SUGCT: variants seen among roughly 807,000 people sequenced by gnomAD.
SUGCT encodes succinyl-CoA:glutarate CoA-transferase.
Under a neutral mutation model 55.0 loss-of-function variants are expected in SUGCT, and 41 were observed. That is an observed-to-expected ratio of 0.74 (90% CI 0.58 to 0.97). SUGCT has a LOEUF of 0.97. Ranked by LOEUF, SUGCT falls within the 50% of genes least tolerant of loss-of-function variation. SUGCT has a pLI of 0.00. For synonymous variants in SUGCT, 187 were observed against 200.4 expected (o/e 0.93, Z 0.56); for missense variants, 568 against 547.8 (o/e 1.04, Z -0.37).
At position 40,854,419 on chromosome 7, in the gene SUGCT, C is replaced by CT. The variant is rs200586474; in HGVS notation, c.1154-5897_1154-5896insT. Among the ~76,000 whole-genome samples, 153 of 88,818 alleles carry CT rather than the reference C, an allele frequency of 1.7e-3. 1 individual carries two copies. Among genetic ancestry groups the CT allele is most frequent in the African/African-American group, 7.0e-3 (150 of 21,396 alleles). The allele number at this position is 88,818 out of a possible 152,430, so 58.3% of individuals were successfully genotyped here. On this transcript the variant is annotated intron_variant, in intron 13 of 13. Transcript: ENST00000335693. ...TTTTTCTTTCTTTCTTTCTTTCTTT[C>CT]CTTTCTTTCTTTCTTTCTTTCTTTC...
At chr7:40,556,527 G>A (rs747394611) in intron 12 of SUGCT, among the ~76,000 whole-genome samples, 97 of 152,302 alleles carry the variant, frequency 6.4e-4, no homozygotes, top group African/African-American at 1.5e-3. Flanking sequence ...TGCTTCAGGA[G>A]AACTAGCAGG....
At chr7:40,188,288 G>T (rs1489969503) in intron 3 of SUGCT, among the ~76,000 whole-genome samples, 3 of 151,924 alleles carry the variant, frequency 2.0e-5, no homozygotes, top group African/African-American at 4.8e-5. Flanking sequence ...ACAAAAATTA[G>T]CCAGGTATGG....
chr7:40,337,703 A>G (rs532647851), intron 9 of SUGCT, among the ~76,000 whole-genome samples: 10 of 152,174 alleles, frequency 6.6e-5, no homozygotes, highest in South Asian at 2.1e-4. Flanking sequence ...TCTTTATCCA[A>G]TTTGCCAGTC....
chr7:40,424,662 T>C (rs986350994), intron 9 of SUGCT, among the ~76,000 whole-genome samples: 1 of 152,156 alleles, frequency 6.6e-6, no homozygotes, highest in African/African-American at 2.4e-5. Flanking sequence ...ATTTAATAAA[T>C]TTAACTACTA....
At chr7:40,172,169 A>C (rs759821093) in intron 1 of SUGCT, among the ~76,000 whole-genome samples, 3 of 152,146 alleles carry the variant, frequency 2.0e-5, no homozygotes, top group Non-Finnish European at 2.9e-5. Flanking sequence ...CCAGTTGTTA[A>C]AGTACTGGGT....
intron 9 of SUGCT, among the ~76,000 whole-genome samples, chr7:40,320,535 T>G (rs1178189038): frequency 6.6e-6 from 1 of 152,358 alleles, no homozygotes; most frequent in East Asian, 1.9e-4. Flanking sequence ...TTATGTAACA[T>G]AGTTGTCAGT....
intron 11 of SUGCT, among the ~76,000 whole-genome samples, chr7:40,464,869 T>C (rs1790016010): frequency 6.6e-6 from 1 of 152,212 alleles, no homozygotes; most frequent in Non-Finnish European, 1.5e-5. Context: ...ATTAAATGCA[T>C]TGTTGACTTA....
At chr7:40,321,981 A>AT (rs1356281743) in intron 9 of SUGCT, among the ~76,000 whole-genome samples, 1 of 152,024 alleles carries the variant, frequency 6.6e-6, no homozygotes, top group Non-Finnish European at 1.5e-5. Context: ...TGGTAGTTCT[A>AT]TTTTTTAGTT....
intron 9 of SUGCT, among the ~76,000 whole-genome samples, chr7:40,378,731 C>T (rs1186113360): frequency 6.6e-6 from 1 of 152,198 alleles, no homozygotes; most frequent in Non-Finnish European, 1.5e-5. Flanking sequence ...CCTTGGCCTC[C>T]CAAAGTGCTG....
At chr7:40,526,475 T>C (rs927903854) in intron 12 of SUGCT, among the ~76,000 whole-genome samples, 3 of 152,216 alleles carry the variant, frequency 2.0e-5, no homozygotes, top group African/African-American at 7.2e-5. Context: ...TTAGGGTTTA[T>C]TAAAACACAG....
intron 12 of SUGCT, among the ~76,000 whole-genome samples, chr7:40,560,495 G>A (rs1230238343): frequency 6.6e-6 from 1 of 152,162 alleles, no homozygotes; most frequent in East Asian, 1.9e-4. Context: ...GGTTAACACT[G>A]TCAGAGCATA....
At chr7:40,681,940 G>T (rs975664716) in intron 12 of SUGCT, among the ~76,000 whole-genome samples, 5 of 152,166 alleles carry the variant, frequency 3.3e-5, no homozygotes, top group Non-Finnish European at 5.9e-5. Context: ...GATCTGTTTG[G>T]TGGGGGTCTG....
chr7:40,951,221 T>C, the SUGCT span, among the ~76,000 whole-genome samples: 1 of 152,240 alleles, frequency 6.6e-6, no homozygotes, highest in African/African-American at 2.4e-5. Flanking sequence ...TATCCATTTC[T>C]TCTAGATTTT....
intron 9 of SUGCT, among the ~76,000 whole-genome samples, chr7:40,419,386 A>AG (rs1338741477): frequency 1.3e-5 from 2 of 152,228 alleles, no homozygotes; most frequent in Non-Finnish European, 2.9e-5. Flanking sequence ...TATACTCATG[A>AG]ATCACTTGAT....
chr7:40,333,336 T>C (rs1042166065), intron 9 of SUGCT, among the ~76,000 whole-genome samples: 6 of 151,954 alleles, frequency 3.9e-5, no homozygotes, highest in Non-Finnish European at 7.4e-5. Context: ...CAGTATGTAA[T>C]AATAATAGTA....
chr7:40,935,288 A>T, the SUGCT span, among the ~76,000 whole-genome samples: 8 of 152,154 alleles, frequency 5.3e-5, no homozygotes, highest in African/African-American at 1.7e-4. Context: ...TTGATAGTAT[A>T]CAATTCATGG....
chr7:40,621,359 G>A (rs1421085832), intron 12 of SUGCT, among the ~76,000 whole-genome samples: 1 of 152,132 alleles, frequency 6.6e-6, no homozygotes, highest in African/African-American at 2.4e-5. Context: ...ATCAGTGATG[G>A]AAATCAGCCA....
chr7:40,449,650 AT>A (rs1181976937), intron 10 of SUGCT, among the ~76,000 whole-genome samples: 1 of 151,708 alleles, frequency 6.6e-6, no homozygotes, highest in Non-Finnish European at 1.5e-5. Context: ...TAACACTGGT[AT>A]TTTTTTCTTT....
Position 40,459,962 on chromosome 7 carries a change from C to T in SUGCT, c.986+764C>T, listed in dbSNP as rs182152103. Among the ~76,000 whole-genome samples, 479 of 152,134 alleles carry T rather than the reference C, an allele frequency of 3.1e-3. 1 individual carries two copies. The highest frequency in any genetic ancestry group is 4.1e-3 in the Non-Finnish European group (282 of 67,996). On this transcript the variant is annotated intron_variant, in intron 11 of 13. Transcript: ENST00000335693. ...AATGGGCTTTGTGGCTTTTGTGGAT[C>T]TAAATGCCCACATGAACTTTTCTTT...
Sources: allele counts gnomAD v4.1 joint callset (sites outside exome capture counted in the v4.1 genomes callset), GRCh38; gene constraint gnomAD v4.1.1; transcripts MANE v1.5; gene names NCBI Gene and HGNC (gene_info 2026-07-23, HGNC 2026-07-21).